Variants in NSFL1C observed in about 807,000 individuals in gnomAD.
NSFL1C encodes the protein NSFL1 cofactor, also known as NSFL1 cofactor p47.
Under a neutral mutation model 43.1 loss-of-function variants are expected in NSFL1C, and 14 were observed. The ratio of observed to expected loss-of-function variants is 0.32; its 90% CI spans 0.21 to 0.51. The LOEUF (loss-of-function observed/expected upper bound fraction) is 0.51, where lower values mean the gene tolerates loss of function less well. NSFL1C is among the 20% of genes least tolerant of loss of function. NSFL1C has a pLI of 0.98. For missense variants in NSFL1C, 406 were observed against 472.5 expected (o/e 0.86, Z 1.30); for synonymous variants, 171 against 183.5 (o/e 0.93, Z 0.55).
chr20:1,447,269 T>C (rs539471436), intron 7 of NSFL1C, among the ~76,000 whole-genome samples: 22 of 152,206 alleles, frequency 1.4e-4, no homozygotes, highest in East Asian at 5.8e-4. Flanking sequence ...CAAGAGTTGA[T>C]TGGAAATAGT....
At chr20:1,455,430 C>T (rs2090277531) in intron 3 of NSFL1C, among the ~76,000 whole-genome samples, 1 of 152,184 alleles carries the variant, frequency 6.6e-6, no homozygotes, top group Non-Finnish European at 1.5e-5. Context: ...TGGGGAAAGG[C>T]ATTCCAAGCA....
chr20:1,463,463 A>C (rs1285786409), intron 2 of NSFL1C: 1 of 152,246 alleles, frequency 6.6e-6, no homozygotes, highest in Admixed American at 6.5e-5. Context: ...TTAGGGAAAG[A>C]AGAAAGCAAT....
chr20:1,443,630 G>A lies in NSFL1C; in HGVS notation c.*119C>T. On this transcript the variant is annotated 3_prime_UTR_variant, in exon 9 of 9. Transcript: ENST00000216879. ...CAAGATCTAAGAACCCAGAGCTATG[G>A]AGGAGACGTTGCACTGGACTGCTGG... 1.0e-6 allele frequency: 1 copy of A among 954,636 alleles called. No individual in the cohort carries two copies. Among genetic ancestry groups the A allele is most frequent in the South Asian group, 1.7e-5 (1 of 60,420 alleles). 59.1% of individuals were successfully genotyped at this position (954,636 alleles called of 1,614,324 possible).
In NSFL1C at chr20:1,453,034, C is replaced by G; in HGVS notation, c.644G>C (p.Arg215Thr). ...ACAGGAGGGCTTTTTCACTCACCCT[C>G]TGCGGATAGACTCCAGAAACTGGGC... The part of the protein sequence containing the change: ...SNAQFLESIR[R>T]GEVPAELRRL... Residue 215 changes from arginine to threonine, a missense_variant, in exon 6 of 9, where the codon AGA (arginine) becomes ACA (threonine). Arg to Thr is a moderately conservative substitution (Grantham distance 71). Transcript: ENST00000216879. 1 of 1,595,876 alleles carries G rather than the reference C, an allele frequency of 6.3e-7. No individual in the cohort carries two copies. Among genetic ancestry groups the G allele is most frequent in the Non-Finnish European group, 8.6e-7 (1 of 1,163,324 alleles).
chr20:1,461,451 T>G (rs770038178), intron 2 of NSFL1C, among the ~76,000 whole-genome samples: 2 of 152,146 alleles, frequency 1.3e-5, no homozygotes, highest in East Asian at 3.8e-4. Flanking sequence ...CGGGCACACC[T>G]GATCAGGTGA....
chr20:1,454,866 G>A (rs1479963519), intron 4 of NSFL1C, 101 bp downstream of exon 4: 20 of 1,304,298 alleles, frequency 1.5e-5, no homozygotes. Context: ...GTAAGCAAAT[G>A]AAAAAAAGAA....
At position 1,464,400 on chromosome 20, in the gene NSFL1C, G is replaced by A. The variant is rs191322139; in HGVS notation, c.132C>T (p.Asp44=). 1.6e-4 allele frequency: 265 copies of A among 1,614,224 alleles called. 1 individual carries two copies. In the Middle Eastern group the frequency reaches 1.8e-3, roughly 11 times the overall value. ...TGGTCACAATGTCTTCATCCCCTCC[G>A]TCCTCATAAAAGCTCGCTAGCGCGA... ...LQIALASFYE[D]GGDEDIVTIS... is the part of the protein sequence containing the mutation. Residue 44 remains aspartate (D), a synonymous_variant, in exon 2 of 9, where the codon GAC becomes GAT. Transcript: ENST00000216879.
chr20:1,455,813 C>G, intron 3 of NSFL1C: 1 of 770,450 alleles, frequency 1.3e-6, no homozygotes, highest in Non-Finnish European at 2.4e-6. Flanking sequence ...GACACAGCAC[C>G]AGGAGCTCCC....
chr20:1,448,528 A>T (rs1226461874), intron 7 of NSFL1C, among the ~76,000 whole-genome samples: 1 of 152,170 alleles, frequency 6.6e-6, no homozygotes, highest in Non-Finnish European at 1.5e-5. Flanking sequence ...GGAAGAGATG[A>T]GGAAAGCCTG....
chr20:1,454,938 T>C (rs763269734), intron 4 of NSFL1C, 29 bp downstream of exon 4: 2 of 1,601,020 alleles, frequency 1.2e-6, no homozygotes, highest in Non-Finnish European at 1.7e-6. Context: ...CTCAGTCCTG[T>C]GGGCACAGAC....
intron 4 of NSFL1C, 75 bp from the exon 5 acceptor site, chr20:1,454,380 A>G (rs187776042): frequency 1.3e-4 from 132 of 1,017,008 alleles, no homozygotes; most frequent in Non-Finnish European, 1.8e-5. Flanking sequence ...AATGATATAT[A>G]TATCTTAGGT....
intron 1 of NSFL1C, 133 bp downstream of exon 1, chr20:1,466,587 G>A (rs911078401): frequency 5.4e-5 from 43 of 800,340 alleles, no homozygotes; most frequent in Non-Finnish European, 7.2e-5. Flanking sequence ...GCGGTCCCGG[G>A]ACCATGAGGC....
chr20:1,455,619 C>A (rs777266292), intron 3 of NSFL1C: 123 of 777,962 alleles, frequency 1.6e-4, no homozygotes, highest in Non-Finnish European at 2.6e-4. Context: ...AGTCTTGGCT[C>A]TGCCACTGTA....
intron 2 of NSFL1C, among the ~76,000 whole-genome samples, chr20:1,462,454 T>C (rs1385616974): frequency 1.3e-5 from 2 of 152,106 alleles, no homozygotes; most frequent in Non-Finnish European, 2.9e-5. Flanking sequence ...TTGGACCAAA[T>C]GTGCGTCCAG....
intron 3 of NSFL1C, 168 bp downstream of exon 3, chr20:1,458,032 C>A (rs966291154): frequency 3.5e-6 from 2 of 579,066 alleles, no homozygotes; most frequent in Admixed American, 6.0e-5. Flanking sequence ...CACTTCTAAG[C>A]TACAAGGAGT....
chr20:1,460,946 G>A (rs560510717), intron 2 of NSFL1C, among the ~76,000 whole-genome samples: 50 of 152,310 alleles, frequency 3.3e-4, no homozygotes, highest in African/African-American at 1.2e-3. Context: ...GGTGCTGGCA[G>A]GGAGGTAGCA....
intron 7 of NSFL1C, among the ~76,000 whole-genome samples, chr20:1,450,445 G>C (rs190246569): frequency 1.3e-5 from 2 of 152,100 alleles, no homozygotes; most frequent in African/African-American, 4.8e-5. Flanking sequence ...GTGATATCAA[G>C]TTCTATCTTG....
chr20:1,449,469 A>G (rs930411847), intron 7 of NSFL1C, among the ~76,000 whole-genome samples: 3 of 152,198 alleles, frequency 2.0e-5, no homozygotes, highest in African/African-American at 7.2e-5. Flanking sequence ...CATTCAAAGA[A>G]TATTAGTTCC....
chr20:1,445,351 A>AGGAATTTAGCATG (rs2090035980), intron 8 of NSFL1C, among the ~76,000 whole-genome samples: 1 of 152,206 alleles, frequency 6.6e-6, no homozygotes, highest in Non-Finnish European at 1.5e-5. Context: ...ATGTCTTCAC[A>AGGAATTTAGCATG]GGACTTTAGC....
Sources: gnomAD v4.1 joint callset for allele counts (sites outside exome capture counted in the v4.1 genomes callset) on GRCh38, gnomAD v4.1.1 for gene constraint, MANE v1.5 for transcripts, NCBI Gene and HGNC (gene_info 2026-07-23, HGNC 2026-07-21) for gene names.